BCHE: variants seen among roughly 807,000 people sequenced by gnomAD.
BCHE encodes cholinesterase.
In BCHE, 48 loss-of-function variants were observed where a neutral mutation model predicts 51.3. That is an observed-to-expected ratio of 0.94 (90% CI 0.74 to 1.19). The LOEUF is 1.19. Among genes scored for constraint, BCHE ranks in the 50% most tolerant of loss-of-function variants. BCHE has a pLI of 0.00. For missense variants in BCHE, 847 were observed against 708.2 expected (o/e 1.20, Z -2.23); for synonymous variants, 251 against 238.0 (o/e 1.05, Z -0.50).
chr3:165,809,119 A>T (rs1241976941), intron 2 of BCHE, among the ~76,000 whole-genome samples: 1 of 152,098 alleles, frequency 6.6e-6, no homozygotes, highest in Non-Finnish European at 1.5e-5. Context: ...ATATTATTAA[A>T]TTTTTTAATG....
At chr3:165,836,510 GTTTACT>G (rs1279095319) in intron 1 of BCHE, among the ~76,000 whole-genome samples, 1 of 151,840 alleles carries the variant, frequency 6.6e-6, no homozygotes, top group African/African-American at 2.4e-5. Flanking sequence ...TCACATTTCA[GTTTACT>G]TTTAGTCATT....
At chr3:165,799,378 G>A (rs999999703) in intron 2 of BCHE, among the ~76,000 whole-genome samples, 2 of 152,100 alleles carry the variant, frequency 1.3e-5, no homozygotes, top group African/African-American at 4.8e-5. Context: ...GTTGAACCTA[G>A]TATCATTTTA....
intron 2 of BCHE, among the ~76,000 whole-genome samples, chr3:165,807,824 A>G (rs1297106677): frequency 6.6e-6 from 1 of 151,950 alleles, no homozygotes; most frequent in Middle Eastern, 3.2e-3. Context: ...TGATCCTCCC[A>G]TAATGTTGAG....
chr3:165,837,244 C>G (rs1715219996), intron 1 of BCHE, 70 bp downstream of exon 1: 2 of 1,015,358 alleles, frequency 2.0e-6, no homozygotes, highest in South Asian at 1.3e-5. Context: ...AGAGATCACT[C>G]TCATCCCACA....
chr3:165,835,196 C>CTTT (rs10653588), intron 1 of BCHE, among the ~76,000 whole-genome samples: 256 of 151,310 alleles, frequency 1.7e-3, no homozygotes, highest in Admixed American at 2.6e-3. Context: ...GGTGACAAAT[C>CTTT]TTTTTTTGTA....
At chr3:165,819,245 A>T (rs1714425633) in intron 2 of BCHE, among the ~76,000 whole-genome samples, 2 of 97,394 alleles carry the variant, frequency 2.1e-5, no homozygotes, top group Non-Finnish European at 4.0e-5. Flanking sequence ...CACCCAGCTA[A>T]TTTTTGTATT....
Position 165,833,709 on chromosome 3 carries a change from C to A in BCHE, c.-8-2668G>T, listed in dbSNP as rs1040032439. Among the ~76,000 whole-genome samples the A allele has an allele frequency of 2.6e-5, 4 of 152,122 alleles. No homozygotes were observed. In the South Asian group the frequency reaches 8.3e-4, roughly 32 times the overall value. On this transcript the variant is annotated intron_variant, in intron 1 of 3. Transcript: ENST00000264381. ...CACTCTACTGCTTCAGTTCTTTTTT[C>A]TTTCTGATAACCGCTAATCCTTTTC...
chr3:165,795,233 C>A (rs1422448442), intron 2 of BCHE, among the ~76,000 whole-genome samples: 1 of 152,262 alleles, frequency 6.6e-6, no homozygotes, highest in Non-Finnish European at 1.5e-5. Context: ...CATAGCAAAA[C>A]GTTTGACTTC....
In BCHE at chr3:165,830,436, G is replaced by C. The variant is rs376351866; in HGVS notation, c.598C>G (p.Gln200Glu). The C allele has an allele frequency of 8.1e-6, 13 of 1,613,800 alleles. No homozygotes were observed. Among genetic ancestry groups the C allele is most frequent in the Non-Finnish European group, 1.1e-5 (13 of 1,179,884 alleles). ...TTTTGAACCCACTGAAGAGCCAACT[G>C]TTGATCAAATAAACCCATGTTCCCT... is the stretch of plus-strand genomic sequence containing the variant. ...APGNMGLFDQ[Q>E]LALQWVQKNI... Residue 200 changes from glutamine (Q) to glutamate (E), a missense_variant, in exon 2 of 4, where the codon CAG becomes GAG. Coordinates refer to ENST00000264381, the MANE Select transcript of BCHE (RefSeq NM_000055.4).
chr3:165,792,525 A>T (rs1713209199), intron 2 of BCHE, among the ~76,000 whole-genome samples: 1 of 152,158 alleles, frequency 6.6e-6, no homozygotes, highest in African/African-American at 2.4e-5. Flanking sequence ...ATGATTAGTA[A>T]AATAATTGGG....
At position 165,830,785 on chromosome 3, in the gene BCHE, A is replaced by G. The variant is rs1337254559; in HGVS notation, c.249T>C (p.Ile83=). The change falls in exon 2 of 4, where the codon ATT becomes ATC. Residue 83 remains isoleucine (I), a synonymous_variant. Coordinates refer to ENST00000264381, the MANE Select transcript of BCHE (RefSeq NM_000055.4). The part of the protein sequence containing the change: ...KPQSLTKWSD[I]WNATKYANSC... ...AATTTGCATATTTTGTGGCATTCCAAATATCAGACCACTTGGTCAGAGACT... is the reference window on the plus strand; with the variant it reads ...AATTTGCATATTTTGTGGCATTCCAGATATCAGACCACTTGGTCAGAGACT... 1.2e-6 allele frequency: 2 copies of G among 1,613,598 alleles called. No individual in the cohort carries two copies. The highest frequency in any genetic ancestry group is 1.1e-5 in the South Asian group (1 of 91,070).
At chr3:165,827,264 G>A (rs748817685) in intron 2 of BCHE, among the ~76,000 whole-genome samples, 37 of 151,934 alleles carry the variant, frequency 2.4e-4, no homozygotes, top group Non-Finnish European at 4.9e-4. Flanking sequence ...CTGTTCAACT[G>A]TGCAAATATC....
At chr3:165,820,496 T>A (rs953604650) in intron 2 of BCHE, among the ~76,000 whole-genome samples, 5 of 152,020 alleles carry the variant, frequency 3.3e-5, no homozygotes, top group African/African-American at 1.2e-4. Context: ...TTTAAAGTGA[T>A]AGAACATTGA....
chr3:165,823,508 T>C (rs1714605569), intron 2 of BCHE, among the ~76,000 whole-genome samples: 1 of 151,982 alleles, frequency 6.6e-6, no homozygotes, highest in Non-Finnish European at 1.5e-5. Flanking sequence ...AAAAGGGGAA[T>C]GCCAATTGAT....
intron 2 of BCHE, among the ~76,000 whole-genome samples, chr3:165,800,390 G>A (rs1218286968): frequency 6.6e-6 from 1 of 151,998 alleles, no homozygotes; most frequent in African/African-American, 2.4e-5. Flanking sequence ...GGCCCTACTA[G>A]AATTCCAGGC....
At chr3:165,782,548 T>C (rs13062371) in intron 3 of BCHE, among the ~76,000 whole-genome samples, 4 of 152,162 alleles carry the variant, frequency 2.6e-5, no homozygotes, top group Non-Finnish European at 4.4e-5. Context: ...TTTTTGTGTG[T>C]GGTTGTTGTT....
intron 2 of BCHE, among the ~76,000 whole-genome samples, chr3:165,799,274 T>C (rs1264092378): frequency 1.3e-5 from 2 of 152,162 alleles, no homozygotes; most frequent in East Asian, 3.9e-4. Context: ...ATATTCTTCC[T>C]GCTTTAGAAA....
chr3:165,780,550 A>T (rs1306580307), intron 3 of BCHE, among the ~76,000 whole-genome samples: 1 of 152,218 alleles, frequency 6.6e-6, no homozygotes, highest in African/African-American at 2.4e-5. Flanking sequence ...CAAGGAATTT[A>T]AACAAATTTA....
intron 2 of BCHE, among the ~76,000 whole-genome samples, chr3:165,818,106 G>A (rs1037317030): frequency 6.6e-6 from 1 of 151,946 alleles, no homozygotes; most frequent in African/African-American, 2.4e-5. Context: ...GAAGCATCTT[G>A]TTTTATTAAA....
Sources: allele counts gnomAD v4.1 joint callset (sites outside exome capture counted in the v4.1 genomes callset), GRCh38; gene constraint gnomAD v4.1.1; transcripts MANE v1.5; gene names NCBI Gene and HGNC (gene_info 2026-07-23, HGNC 2026-07-21).